The following RORB variants were observed in gnomAD, a reference collection of about 807,000 sequenced individuals.
The protein encoded by RORB is nuclear receptor ROR-beta.
Under a neutral mutation model 59.1 loss-of-function variants are expected in RORB, and 6 were observed. That is an observed-to-expected ratio of 0.10 (90% CI 0.06 to 0.20). The LOEUF is 0.20. Among genes scored for constraint, RORB ranks in the 10% least tolerant of loss-of-function variants. RORB has a pLI of 1.00. For missense variants in RORB, 320 were observed against 560.5 expected, an observed-to-expected ratio of 0.57 and a Z score of 4.33; for synonymous variants, 215 against 204.5, an observed-to-expected ratio of 1.05 and a Z score of -0.44.
chr9:74,600,127 T>C (rs1456254005), intron 1 of RORB, among the ~76,000 whole-genome samples: 1 of 152,176 alleles, frequency 6.6e-6, no homozygotes, highest in Non-Finnish European at 1.5e-5. Flanking sequence ...CCCAGCTACA[T>C]TAAAACTTAC....
chr9:74,581,011 T>C (rs1042677399), intron 1 of RORB, among the ~76,000 whole-genome samples: 4 of 152,142 alleles, frequency 2.6e-5, no homozygotes, highest in African/African-American at 9.7e-5. Flanking sequence ...GGGGATGCAG[T>C]CCAATTTCTT....
intron 9 of RORB, among the ~76,000 whole-genome samples, chr9:74,673,084 C>A (rs796211564): frequency 3.3e-5 from 5 of 152,276 alleles, no homozygotes; most frequent in African/African-American, 1.2e-4. Flanking sequence ...AGCAATAGTT[C>A]TCTTTCACGT....
At chr9:74,553,456 A>G (rs1395870479) in intron 1 of RORB, among the ~76,000 whole-genome samples, 1 of 152,140 alleles carries the variant, frequency 6.6e-6, no homozygotes, top group Non-Finnish European at 1.5e-5. Context: ...TCAGTAACAG[A>G]ACTATAACCA....
chr9:74,531,890 A>T (rs373800798), intron 1 of RORB, among the ~76,000 whole-genome samples: 2 of 152,026 alleles, frequency 1.3e-5, no homozygotes, highest in East Asian at 3.9e-4. Context: ...ATGAATTCCT[A>T]GTCTTGAAAT....
chr9:74,596,041 G>A (rs759413421), intron 1 of RORB, among the ~76,000 whole-genome samples: 1 of 152,124 alleles, frequency 6.6e-6, no homozygotes, highest in Non-Finnish European at 1.5e-5. Context: ...AAGGCATGAT[G>A]ACCTGAACAA....
chr9:74,661,768 C>G (rs1283612176), intron 5 of RORB, among the ~76,000 whole-genome samples: 1 of 149,220 alleles, frequency 6.7e-6, no homozygotes, highest in African/African-American at 2.5e-5. Flanking sequence ...CCTCAGCCTC[C>G]CGAGTAGCTG....
intron 1 of RORB, among the ~76,000 whole-genome samples, chr9:74,551,667 A>G (rs534182658): frequency 2.4e-4 from 37 of 152,324 alleles, no homozygotes; most frequent in African/African-American, 8.4e-4. Flanking sequence ...CCCAAGTTAT[A>G]CAATATAATT....
Position 74,583,167 on chromosome 9 carries a change from C to T in RORB, c.8-47115C>T, listed in dbSNP as rs567842584. On this transcript the variant is annotated intron_variant, in intron 1 of 9. Coordinates refer to ENST00000376896, the MANE Select transcript of RORB (RefSeq NM_006914.4). Reference sequence around the variant, plus strand: ...CACTTCAAGGACTGACACAAACCTACTTTTTAATCTAGGGCTCATGTAAGT... The same window carrying T: ...CACTTCAAGGACTGACACAAACCTATTTTTTAATCTAGGGCTCATGTAAGT... Among the ~76,000 whole-genome samples the T allele has an allele frequency of 3.7e-4, 56 of 152,260 alleles. 2 individuals are homozygous for T. The South Asian group carries it at 0.011, about 30-fold the overall frequency.
chr9:74,669,723 T>C (rs745872145), intron 8 of RORB, among the ~76,000 whole-genome samples: 16 of 152,112 alleles, frequency 1.1e-4, no homozygotes, highest in Non-Finnish European at 1.9e-4. Context: ...TCTCATTTCT[T>C]CTGTTACCCG....
intron 9 of RORB, among the ~76,000 whole-genome samples, chr9:74,683,865 G>A (rs1009124606): frequency 5.3e-5 from 8 of 152,134 alleles, no homozygotes; most frequent in African/African-American, 9.7e-5. Flanking sequence ...GAGTCATAAT[G>A]TTTTGTGCAT....
chr9:74,614,457 T>G (rs1823278309), intron 1 of RORB, among the ~76,000 whole-genome samples: 1 of 152,154 alleles, frequency 6.6e-6, no homozygotes, highest in South Asian at 2.1e-4. Context: ...TAGTTGCTCT[T>G]GGCACAAGGA....
intron 1 of RORB, among the ~76,000 whole-genome samples, chr9:74,549,547 GGGAAGGAAGGAAGGAAGGAA>G (rs1202590523): frequency 0.031 from 834 of 26,604 alleles, 17 homozygotes; most frequent in African/African-American, 0.11. Flanking sequence ...GAGGGAGGGA[GGGAAGGAAGGAAGGAAGGAA>G]GGAAGGAAGG....
intron 3 of RORB, among the ~76,000 whole-genome samples, chr9:74,641,969 A>C (rs1161199748): frequency 6.6e-6 from 1 of 152,140 alleles, no homozygotes; most frequent in Non-Finnish European, 1.5e-5. Flanking sequence ...AATAGATTTG[A>C]AAGTGAAATA....
At chr9:74,608,270 A>G (rs927716321) in intron 1 of RORB, among the ~76,000 whole-genome samples, 5 of 152,136 alleles carry the variant, frequency 3.3e-5, no homozygotes, top group Non-Finnish European at 7.3e-5. Flanking sequence ...CAATAAGAAA[A>G]TTGCTAGTTT....
At chr9:74,548,495 CT>C (rs1435382778) in intron 1 of RORB, among the ~76,000 whole-genome samples, 2 of 152,204 alleles carry the variant, frequency 1.3e-5, no homozygotes, top group East Asian at 3.8e-4. Context: ...GAATTCACTA[CT>C]TCTTGTCCAG....
At chr9:74,568,119 C>A (rs753466112) in intron 1 of RORB, among the ~76,000 whole-genome samples, 6 of 152,144 alleles carry the variant, frequency 3.9e-5, no homozygotes, top group African/African-American at 1.4e-4. Context: ...TTTTATAACA[C>A]CTTTCACATG....
chr9:74,614,206 A>G (rs944056287), intron 1 of RORB, among the ~76,000 whole-genome samples: 16 of 152,214 alleles, frequency 1.1e-4, no homozygotes, highest in South Asian at 4.1e-4. Flanking sequence ...TTGCGTGTGC[A>G]TAGACTTGTT....
intron 1 of RORB, among the ~76,000 whole-genome samples, chr9:74,553,078 G>A (rs551139346): frequency 6.6e-6 from 1 of 152,226 alleles, no homozygotes; most frequent in African/African-American, 2.4e-5. Context: ...AGGGGAAGGA[G>A]CCTTGATAAA....
intron 1 of RORB, among the ~76,000 whole-genome samples, chr9:74,620,943 C>G (rs1823403799): frequency 6.6e-6 from 1 of 152,170 alleles, no homozygotes; most frequent in African/African-American, 2.4e-5. Flanking sequence ...AGAAGCACCT[C>G]TGTGCAATTC....
Sources: gnomAD v4.1 joint callset for allele counts (sites outside exome capture counted in the v4.1 genomes callset) on GRCh38, gnomAD v4.1.1 for gene constraint, MANE v1.5 for transcripts, NCBI Gene and HGNC (gene_info 2026-07-23, HGNC 2026-07-21) for gene names.